APH1B: variants seen among roughly 807,000 people sequenced by gnomAD.
The protein encoded by APH1B is aph-1B gamma-secretase subunit.
Under a neutral mutation model 28.2 loss-of-function variants are expected in APH1B, and 27 were observed. The ratio of observed to expected loss-of-function variants is 0.96; its 90% CI spans 0.70 to 1.32. APH1B has a LOEUF of 1.32. APH1B is among the 40% of genes most tolerant of loss of function. The probability of loss-of-function intolerance (pLI) is 0.00; values close to 1 mark genes in which losing one functional copy is unlikely to be tolerated. For missense variants in APH1B, 305 were observed against 313.6 expected, an observed-to-expected ratio of 0.97 and a Z score of 0.21; for synonymous variants, 141 against 124.6, an observed-to-expected ratio of 1.13 and a Z score of -0.88.
intron 4 of APH1B, among the ~76,000 whole-genome samples, chr15:63,294,861 G>T (rs1299685752): frequency 2.0e-5 from 3 of 152,178 alleles, no homozygotes; most frequent in Non-Finnish European, 1.5e-5. Context: ...TACATTCAGT[G>T]GACAACAATT....
At position 63,308,359 on chromosome 15, in the gene APH1B, G is replaced by T. The variant is rs977525387; in HGVS notation, c.*2578G>T. On this transcript the variant is annotated 3_prime_UTR_variant, in exon 6 of 6. Transcript: ENST00000261879. The stretch of plus-strand genomic sequence containing the variant: ...TACTAGTTATAACTGGAGAAATTTT[G>T]TTACCTCTATCCTGGCTTGCCTGAC... The T allele has an allele frequency of 4.6e-5, 7 of 152,160 alleles. No homozygotes were observed. The highest frequency in any genetic ancestry group is 2.9e-5 in the Non-Finnish European group (2 of 68,022). 9.4% of individuals were successfully genotyped at this position (152,160 alleles called of 1,614,324 possible).
chr15:63,278,179 C>G (rs1265020284), intron 1 of APH1B: 7 of 396,450 alleles, frequency 1.8e-5, no homozygotes, highest in African/African-American at 1.3e-4. Context: ...TAAAACATGC[C>G]GATGCCCACC....
chr15:63,281,548 A>C (rs1406221326), intron 2 of APH1B, among the ~76,000 whole-genome samples: 2 of 151,820 alleles, frequency 1.3e-5, no homozygotes, highest in Non-Finnish European at 2.9e-5. Flanking sequence ...AAAAAAAAAA[A>C]AAACAAAAAA....
At position 63,307,493 on chromosome 15, in the gene APH1B, A is replaced by G. The variant is rs946246039; in HGVS notation, c.*1712A>G. The G allele has an allele frequency of 6.6e-6, 1 of 152,178 alleles. No homozygotes were observed. Among genetic ancestry groups the G allele is most frequent in the South Asian group, 2.1e-4 (1 of 4,834 alleles). The allele number at this position is 152,178 out of a possible 1,614,324, so 9.4% of individuals were successfully genotyped here. ...GCACTAACACTAGTGCTTCCGCTGGAGTTTGCAGTTTTCCAGCTTTATACA... is the reference window on the plus strand; with the variant it reads ...GCACTAACACTAGTGCTTCCGCTGGGGTTTGCAGTTTTCCAGCTTTATACA... On this transcript the variant is annotated 3_prime_UTR_variant, in exon 6 of 6. Transcript: ENST00000261879.
chr15:63,291,263 G>A (rs2038503801), intron 4 of APH1B, among the ~76,000 whole-genome samples: 1 of 152,078 alleles, frequency 6.6e-6, no homozygotes, highest in East Asian at 1.9e-4. Flanking sequence ...TAGAATCTGG[G>A]TTTTTCATTC....
Position 63,287,417 on chromosome 15 carries a change from T to A in APH1B, c.356-7T>A. ...AAAGAGTTAACAGTGTTTTTCTTCCTGTTTAGTTTCTGGCTTGGGCTTTGG... is the reference window on the plus strand; with the variant it reads ...AAAGAGTTAACAGTGTTTTTCTTCCAGTTTAGTTTCTGGCTTGGGCTTTGG... On this transcript the variant is annotated splice_region_variant and splice_polypyrimidine_tract_variant and intron_variant, in intron 3 of 5. Transcript: ENST00000261879. The A allele has an allele frequency of 6.2e-7, 1 of 1,613,302 alleles. No homozygotes were observed. Among genetic ancestry groups the A allele is most frequent in the Non-Finnish European group, 8.5e-7 (1 of 1,179,612 alleles).
At chr15:63,285,837 A>T (rs948328964) in intron 2 of APH1B, among the ~76,000 whole-genome samples, 3 of 152,222 alleles carry the variant, frequency 2.0e-5, no homozygotes, top group Non-Finnish European at 2.9e-5. Flanking sequence ...GTAGCATTTT[A>T]TTCTGCAAGA....
At chr15:63,305,366 A>G (rs998570431) in intron 5 of APH1B, among the ~76,000 whole-genome samples, 2 of 152,226 alleles carry the variant, frequency 1.3e-5, no homozygotes, top group Non-Finnish European at 2.9e-5. Flanking sequence ...TGTATATTCC[A>G]TTAGGTTCTG....
intron 1 of APH1B, chr15:63,278,027 C>T: frequency 2.2e-6 from 1 of 450,786 alleles, no homozygotes; most frequent in South Asian, 2.3e-5. Context: ...ATATATGCAT[C>T]CTTCATTTTC....
chr15:63,280,198 A>G (rs1053503866), intron 2 of APH1B, among the ~76,000 whole-genome samples: 20 of 152,212 alleles, frequency 1.3e-4, no homozygotes, highest in Non-Finnish European at 2.8e-4. Context: ...TTTTAAATCT[A>G]TAATAGAAAA....
intron 4 of APH1B, among the ~76,000 whole-genome samples, chr15:63,300,765 C>T (rs940400035): frequency 1.3e-5 from 2 of 152,158 alleles, no homozygotes; most frequent in South Asian, 2.1e-4. Flanking sequence ...ACAACAGTTA[C>T]GTCTTTTAGT....
At chr15:63,285,889 T>C (rs1391196991) in intron 2 of APH1B, among the ~76,000 whole-genome samples, 2 of 152,240 alleles carry the variant, frequency 1.3e-5, no homozygotes, top group African/African-American at 4.8e-5. Flanking sequence ...TGAAGCCTTA[T>C]TGGTGATATA....
chr15:63,278,778 G>T (rs1448636229), intron 1 of APH1B, among the ~76,000 whole-genome samples: 1 of 152,210 alleles, frequency 6.6e-6, no homozygotes, highest in African/African-American at 2.4e-5. Context: ...TATGAAAATT[G>T]CAGTAATCAG....
At chr15:63,279,691 G>C (rs909493981) in intron 2 of APH1B, among the ~76,000 whole-genome samples, 1 of 152,178 alleles carries the variant, frequency 6.6e-6, no homozygotes, top group Non-Finnish European at 1.5e-5. Flanking sequence ...TGGTATAGTA[G>C]GTAAGTGTCA....
At chr15:63,300,079 G>T (rs2038609703) in intron 4 of APH1B, among the ~76,000 whole-genome samples, 1 of 152,086 alleles carries the variant, frequency 6.6e-6, no homozygotes, top group South Asian at 2.1e-4. Context: ...GTAAAGATAT[G>T]CTGATGATCT....
chr15:63,302,887 C>G (rs551456519), intron 5 of APH1B, among the ~76,000 whole-genome samples: 61 of 152,260 alleles, frequency 4.0e-4, no homozygotes, highest in Middle Eastern at 3.4e-3. Context: ...CTCTCTGTTT[C>G]TAATTAGAGT....
chr15:63,307,316 C>T lies in APH1B; in HGVS notation c.*1535C>T, dbSNP rs1450129358. On this transcript the variant is annotated 3_prime_UTR_variant, in exon 6 of 6. Coordinates refer to ENST00000261879, the MANE Select transcript of APH1B (RefSeq NM_031301.4). ...ACCAAAACCTTACTCATGAACTAGA[C>T]CTTTATCGATATCAGTGAACCCCCA... The T allele has an allele frequency of 1.3e-5, 2 of 152,034 alleles. No individual in the cohort carries two copies. The highest frequency in any genetic ancestry group is 2.9e-5 in the Non-Finnish European group (2 of 68,010). The allele number at this position is 152,034 out of a possible 1,614,324, so 9.4% of individuals were successfully genotyped here. A position where few individuals can be genotyped will look rare whatever the true frequency, so the allele number is the denominator to read the frequency against.
At chr15:63,287,827 A>G (rs1251345891) in intron 4 of APH1B, among the ~76,000 whole-genome samples, 1 of 152,198 alleles carries the variant, frequency 6.6e-6, no homozygotes, top group East Asian at 1.9e-4. Flanking sequence ...TTTAAAGGCC[A>G]TGTGCTCTTT....
In APH1B at chr15:63,307,960, C is replaced by T. The variant is rs2038704078; in HGVS notation, c.*2179C>T. On this transcript the variant is annotated 3_prime_UTR_variant, in exon 6 of 6. Transcript: ENST00000261879. ...AAGGAACTTTGTAATTCTGATTTAT[C>T]GTAAAACATGAGCCTTTCCAGAGTC... 6.6e-6 allele frequency: 1 copy of T among 152,172 alleles called. No homozygotes were observed. The highest frequency in any genetic ancestry group is 2.4e-5 in the African/African-American group (1 of 41,456). The allele number at this position is 152,172 out of a possible 1,614,324, so 9.4% of individuals were successfully genotyped here.
Sources: gnomAD v4.1 joint callset for allele counts (sites outside exome capture counted in the v4.1 genomes callset) on GRCh38, gnomAD v4.1.1 for gene constraint, MANE v1.5 for transcripts, NCBI Gene and HGNC (gene_info 2026-07-23, HGNC 2026-07-21) for gene names.